Variants in OTOGL observed in about 807,000 individuals in gnomAD.
The protein encoded by OTOGL is otogelin like.
OTOGL carries 285 observed loss-of-function variants against 318.5 expected under a neutral mutation model. That is an observed-to-expected ratio of 0.89 (90% CI 0.81 to 0.99). The LOEUF is 0.99. Among genes scored for constraint, OTOGL ranks in the 50% least tolerant of loss-of-function variants. The pLI is 0.00. For missense variants in OTOGL, 2,899 were observed against 2,845.6 expected (o/e 1.02, Z -0.43); for synonymous variants, 987 against 936.5 (o/e 1.05, Z -0.99).
At chr12:80,337,262 T>C (rs889668318) in intron 42 of OTOGL, among the ~76,000 whole-genome samples, 2 of 151,576 alleles carry the variant, frequency 1.3e-5, no homozygotes, top group African/African-American at 2.4e-5. Context: ...TCTGAGATAG[T>C]GTGATTGGCC....
intron 29 of OTOGL, among the ~76,000 whole-genome samples, chr12:80,310,398 A>G (rs796533008): frequency 1.6e-4 from 24 of 152,348 alleles, no homozygotes; most frequent in African/African-American, 5.3e-4. Flanking sequence ...TATCTCTAAT[A>G]TTGCTATGAT....
chr12:80,219,789 A>AC, intron 5 of OTOGL, 25 bp from the exon 6 acceptor site: 1 of 1,209,926 alleles, frequency 8.3e-7, no homozygotes. Context: ...CCAGAAGATA[A>AC]CTTTTTTTTT....
chr12:80,335,851 G>A, intron 38 of OTOGL, 112 bp from the exon 39 acceptor site: 1 of 964,732 alleles, frequency 1.0e-6, no homozygotes, highest in Non-Finnish European at 1.4e-6. Context: ...TCTTTCAAAA[G>A]TTTTTGTATT....
intron 1 of OTOGL, among the ~76,000 whole-genome samples, chr12:80,142,093 AAGAG>A (rs980305043): frequency 1.3e-5 from 2 of 152,120 alleles, no homozygotes; most frequent in African/African-American, 4.8e-5. Flanking sequence ...AAAGAAGACA[AAGAG>A]AGAGGAGGAG....
At position 80,329,078 on chromosome 12, in the gene OTOGL, C is replaced by A. The variant is rs1887900837; in HGVS notation, c.4307C>A (p.Thr1436Lys). ...ATACCTGTGATTCCCACAGAACCAA[C>A]ATTAATGCCACCAGCTAAGCCAACT... ...DCIPVIPTEP[T>K]LMPPAKPTVP... The change falls in exon 37 of 59, where the codon ACA becomes AAA. Residue 1436 changes from threonine (T) to lysine (K), a missense_variant. Thr to Lys is a moderately conservative substitution (Grantham distance 78). Around this residue, in one of 3 missense-constraint regions of OTOGL, gnomAD observed 2,607 missense variants for 2,524.9 expected, o/e 1.03. Coordinates refer to ENST00000547103, the MANE Select transcript of OTOGL (RefSeq NM_001378609.3). The A allele has an allele frequency of 6.4e-7, 1 of 1,562,200 alleles. No individual in the cohort carries two copies.
intron 1 of OTOGL, chr12:80,131,122 G>GTA: frequency 6.6e-6 from 1 of 152,210 alleles, no homozygotes; most frequent in Non-Finnish European, 1.5e-5. Flanking sequence ...AAGTCTCACG[G>GTA]CAAGAAGAGC....
chr12:80,314,180 C>A (rs1437512515), intron 31 of OTOGL, 125 bp from the exon 32 acceptor site: 1 of 312,606 alleles, frequency 3.2e-6, no homozygotes, highest in Non-Finnish European at 6.0e-6. Flanking sequence ...AGAAAAAGTT[C>A]CTAAATAATA....
chr12:80,323,787 C>G lies in OTOGL; in HGVS notation c.4146C>G (p.Pro1382=), dbSNP rs374853700. Reference sequence around the variant, plus strand: ...GGAGATATGAACCTTGTGCTACACCCTGTTTTAAAACATGTAGTGACCCTG... The same window carrying G: ...GGAGATATGAACCTTGTGCTACACCGTGTTTTAAAACATGTAGTGACCCTG... ...CEWRYEPCAT[P]CFKTCSDPEA... Residue 1382 remains proline (P), a synonymous_variant, in exon 35 of 59, where the codon CCC becomes CCG. Coordinates refer to ENST00000547103, the MANE Select transcript of OTOGL (RefSeq NM_001378609.3). The G allele has an allele frequency of 1.5e-5, 24 of 1,613,870 alleles. No homozygotes were observed. In the East Asian group the frequency reaches 5.1e-4, roughly 34 times the overall value.
At chr12:80,265,313 G>A in intron 20 of OTOGL, 103 bp downstream of exon 20, 1 of 1,129,684 alleles carries the variant, frequency 8.9e-7, no homozygotes, top group Non-Finnish European at 1.3e-6. Context: ...AATATTGCAT[G>A]TAAGTTATTT....
intron 43 of OTOGL, among the ~76,000 whole-genome samples, chr12:80,341,024 A>G (rs909149770): frequency 1.3e-5 from 2 of 149,804 alleles, no homozygotes; most frequent in Non-Finnish European, 2.9e-5. Context: ...TCATCCTGAT[A>G]TATCTCCTTG....
At chr12:80,345,304 C>T (rs929763158) in intron 44 of OTOGL, among the ~76,000 whole-genome samples, 20 of 146,310 alleles carry the variant, frequency 1.4e-4, no homozygotes, top group African/African-American at 3.6e-4. Flanking sequence ...GGCATGATCT[C>T]GGCTCACTGA....
intron 46 of OTOGL, among the ~76,000 whole-genome samples, chr12:80,355,212 C>CT (rs1476461263): frequency 1.2e-5 from 1 of 85,904 alleles, no homozygotes; most frequent in Non-Finnish European, 2.2e-5. Flanking sequence ...TTTTTCTTTT[C>CT]TTTCTTTCTT....
chr12:80,366,532 A>ATATATATATATAT (rs1566018778), intron 52 of OTOGL, 42 bp from the exon 53 acceptor site: 15 of 123,034 alleles, frequency 1.2e-4, no homozygotes, highest in Middle Eastern at 1.3e-3. Context: ...TATATATATA[A>ATATATATATATAT]AATAAGCTAA....
At chr12:80,313,101 A>G (rs1886742385) in intron 30 of OTOGL, among the ~76,000 whole-genome samples, 1 of 152,206 alleles carries the variant, frequency 6.6e-6, no homozygotes, top group African/African-American at 2.4e-5. Flanking sequence ...GCAAAAAAGA[A>G]AGGAAAGAAG....
intron 1 of OTOGL, among the ~76,000 whole-genome samples, chr12:80,200,635 C>T (rs1007548662): frequency 7.2e-5 from 11 of 152,136 alleles, no homozygotes; most frequent in Admixed American, 5.9e-4. Flanking sequence ...GAGTTAGCTT[C>T]GTCTATTGGA....
At chr12:80,248,857 C>T (rs1333777391) in intron 11 of OTOGL, among the ~76,000 whole-genome samples, 2 of 149,542 alleles carry the variant, frequency 1.3e-5, no homozygotes, top group South Asian at 2.1e-4. Context: ...GGAGGCTTTG[C>T]TCATTTCTTT....
At chr12:80,291,627 G>C (rs894064504) in intron 26 of OTOGL, among the ~76,000 whole-genome samples, 1 of 152,174 alleles carries the variant, frequency 6.6e-6, no homozygotes, top group African/African-American at 2.4e-5. Flanking sequence ...AAGGTGTCAG[G>C]CCAGTCTGTA....
chr12:80,275,575 G>C (rs1203544005), intron 24 of OTOGL, among the ~76,000 whole-genome samples: 2 of 151,844 alleles, frequency 1.3e-5, no homozygotes, highest in Non-Finnish European at 2.9e-5. Context: ...GCAGTGGTAG[G>C]GTTTAAGACG....
At chr12:80,114,771 C>T (rs1206288156) in intron 1 of OTOGL, among the ~76,000 whole-genome samples, 3 of 152,022 alleles carry the variant, frequency 2.0e-5, no homozygotes, top group Non-Finnish European at 4.4e-5. Flanking sequence ...TAGGTTTGGT[C>T]TTTTCACGTA....
Sources: allele counts gnomAD v4.1 joint callset (sites outside exome capture counted in the v4.1 genomes callset), GRCh38; gene constraint gnomAD v4.1.1; regional missense constraint gnomAD v4.1.1; transcripts MANE v1.5; gene names NCBI Gene and HGNC (gene_info 2026-07-23, HGNC 2026-07-21).